The following TMEM232 variants were observed in gnomAD, a reference collection of about 807,000 sequenced individuals.
TMEM232 encodes transmembrane protein 232.
In TMEM232, 80 loss-of-function variants were observed where a neutral mutation model predicts 78.8. The ratio of observed to expected loss-of-function variants is 1.01; its 90% CI spans 0.85 to 1.22. The LOEUF (loss-of-function observed/expected upper bound fraction) is 1.22. Ranked by LOEUF, TMEM232 falls within the 50% of genes most tolerant of loss-of-function variation. TMEM232 has a pLI of 0.00. For synonymous variants in TMEM232, 297 were observed against 254.3 expected (o/e 1.17, Z -1.60); for missense variants, 881 against 742.2 (o/e 1.19, Z -2.17).
At chr5:110,464,526 G>C (rs528082331) in intron 12 of TMEM232, among the ~76,000 whole-genome samples, 35 of 152,222 alleles carry the variant, frequency 2.3e-4, no homozygotes, top group African/African-American at 8.2e-4. Flanking sequence ...AAATGTAAAT[G>C]GACACCTAGG....
intron 12 of TMEM232, among the ~76,000 whole-genome samples, chr5:110,503,704 G>T (rs1435027172): frequency 2.0e-5 from 3 of 152,072 alleles, no homozygotes; most frequent in African/African-American, 7.2e-5. Flanking sequence ...CAAGATCTTT[G>T]TTTTCCATAA....
At chr5:110,422,161 A>G (rs1238235508) in intron 13 of TMEM232, among the ~76,000 whole-genome samples, 1 of 152,204 alleles carries the variant, frequency 6.6e-6, no homozygotes, top group Admixed American at 6.5e-5. Context: ...TATAGTTGGT[A>G]TAATAATGAC....
At chr5:110,475,367 T>A (rs1763130596) in intron 12 of TMEM232, among the ~76,000 whole-genome samples, 1 of 151,034 alleles carries the variant, frequency 6.6e-6, no homozygotes, top group Non-Finnish European at 1.5e-5. Context: ...TAAAATTTCA[T>A]CCCTGACAGA....
At chr5:110,424,984 G>T (rs1191855949) in intron 12 of TMEM232, 68 bp from the exon 13 acceptor site, 2 of 1,064,336 alleles carry the variant, frequency 1.9e-6, no homozygotes, top group Non-Finnish European at 2.7e-6. Context: ...AAATAGAATT[G>T]TAACTAAGCC....
At chr5:110,576,078 G>A (rs1265590785) in intron 10 of TMEM232, among the ~76,000 whole-genome samples, 1 of 152,036 alleles carries the variant, frequency 6.6e-6, no homozygotes, top group Non-Finnish European at 1.5e-5. Flanking sequence ...TAAATAGGAA[G>A]AGAGGAAGTC....
At chr5:110,650,664 A>C (rs1253169602) in intron 2 of TMEM232, among the ~76,000 whole-genome samples, 1 of 152,154 alleles carries the variant, frequency 6.6e-6, no homozygotes, top group East Asian at 1.9e-4. Flanking sequence ...CAAAATTGTC[A>C]TGGTCATTAA....
At chr5:110,653,387 A>G (rs139075849) in intron 2 of TMEM232, among the ~76,000 whole-genome samples, 3 of 152,230 alleles carry the variant, frequency 2.0e-5, no homozygotes, top group South Asian at 4.1e-4. Flanking sequence ...AGTTCCTGGC[A>G]TATATTCAGT....
In TMEM232 at chr5:110,570,309, C is replaced by T. The variant is rs116226195; in HGVS notation, c.1277-1684G>A. Among the ~76,000 whole-genome samples, 866 of 151,984 alleles carry T rather than the reference C, an allele frequency of 5.7e-3. 15 individuals are homozygous for T. The highest frequency in any genetic ancestry group is 0.02 in the African/African-American group (815 of 41,514). On this transcript the variant is annotated intron_variant, in intron 10 of 13. Coordinates refer to ENST00000455884, the MANE Select transcript of TMEM232 (RefSeq NM_001039763.4). ...AATATTTTTGCACTGAACATTTGGA[C>T]TATAATAAAAAAGCCCAAATTTAAG...
At chr5:110,672,305 CA>C (rs1791459609) in intron 1 of TMEM232, among the ~76,000 whole-genome samples, 1 of 152,120 alleles carries the variant, frequency 6.6e-6, no homozygotes, top group South Asian at 2.1e-4. Flanking sequence ...GCAAGTTCCA[CA>C]ATGCCCTGTT....
intron 12 of TMEM232, among the ~76,000 whole-genome samples, chr5:110,443,537 G>A (rs575484849): frequency 6.6e-6 from 1 of 152,246 alleles, no homozygotes; most frequent in East Asian, 1.9e-4. Flanking sequence ...AATAGCCTAG[G>A]TCTGGACTTG....
intron 2 of TMEM232, among the ~76,000 whole-genome samples, chr5:110,664,794 A>T (rs751933647): frequency 1.3e-5 from 2 of 152,314 alleles, no homozygotes; most frequent in Admixed American, 1.3e-4. Context: ...TAAGGACACT[A>T]ATCTCATAAT....
At chr5:110,675,486 G>T (rs189578382) in intron 1 of TMEM232, among the ~76,000 whole-genome samples, 1 of 152,078 alleles carries the variant, frequency 6.6e-6, no homozygotes, top group East Asian at 1.9e-4. Context: ...CGACAAAGAC[G>T]AAATTAAAAC....
chr5:110,479,919 T>C (rs1763679546), intron 12 of TMEM232, among the ~76,000 whole-genome samples: 1 of 151,870 alleles, frequency 6.6e-6, no homozygotes, highest in Admixed American at 6.6e-5. Context: ...TACAATATAA[T>C]TTTTTTAACA....
At chr5:110,525,994 G>A (rs1474103515) in intron 12 of TMEM232, among the ~76,000 whole-genome samples, 1 of 110,354 alleles carries the variant, frequency 9.1e-6, no homozygotes, top group Non-Finnish European at 1.8e-5. Context: ...CAAGTGAATA[G>A]GCAGATGGAT....
At chr5:110,593,780 A>G (rs1003813575) in intron 10 of TMEM232, among the ~76,000 whole-genome samples, 2 of 152,152 alleles carry the variant, frequency 1.3e-5, no homozygotes, top group Non-Finnish European at 2.9e-5. Context: ...CCTATAGTCA[A>G]TAATAATTTC....
intron 1 of TMEM232, among the ~76,000 whole-genome samples, chr5:110,705,765 T>C (rs1394009627): frequency 1.0e-5 from 1 of 100,252 alleles, no homozygotes; most frequent in Non-Finnish European, 2.1e-5. Flanking sequence ...TGTGTGTGCG[T>C]GTGTGTGTGT....
intron 1 of TMEM232, chr5:110,721,016 T>C (rs890745837): frequency 6.6e-6 from 1 of 152,128 alleles, no homozygotes; most frequent in African/African-American, 2.4e-5. Flanking sequence ...TTGCTAAAGG[T>C]ATAGTATACA....
chr5:110,546,509 T>C (rs1366486262), intron 11 of TMEM232, among the ~76,000 whole-genome samples: 4 of 152,144 alleles, frequency 2.6e-5, no homozygotes, highest in African/African-American at 9.6e-5. Context: ...AACAAAGTTA[T>C]GTTTCACTCT....
intron 2 of TMEM232, among the ~76,000 whole-genome samples, chr5:110,411,094 T>G (rs1755979981): frequency 6.6e-6 from 1 of 152,106 alleles, no homozygotes. Context: ...AAAATATCCC[T>G]GCACCATGAC....
Sources: allele counts gnomAD v4.1 joint callset (sites outside exome capture counted in the v4.1 genomes callset), GRCh38; gene constraint gnomAD v4.1.1; transcripts MANE v1.5; gene names NCBI Gene and HGNC (gene_info 2026-07-23, HGNC 2026-07-21).